CELF2: variants seen among roughly 807,000 people sequenced by gnomAD.
CELF2 encodes the protein CUG triplet repeat RNA-binding protein 2.
In CELF2, 8 loss-of-function variants were observed where a neutral mutation model predicts 62.6. That is an observed-to-expected ratio of 0.13 (90% confidence interval 0.07 to 0.23). The LOEUF (loss-of-function observed/expected upper bound fraction) is 0.23, where lower values mean the gene tolerates loss of function less well. Ranked by LOEUF, CELF2 falls within the 10% of genes least tolerant of loss-of-function variation. CELF2 has a pLI of 1.00. For missense variants in CELF2, 333 were observed against 671.0 expected (o/e 0.50, Z 5.56); for synonymous variants, 258 against 250.0 (o/e 1.03, Z -0.30).
the CELF2 span, among the ~76,000 whole-genome samples, chr10:10,604,939 G>A: frequency 9.2e-5 from 14 of 152,098 alleles, no homozygotes; most frequent in Non-Finnish European, 1.9e-4. Context: ...CCAAAGGAAC[G>A]TGAATCATTC....
chr10:10,841,446 A>C (rs1400308114), intron 1 of CELF2, among the ~76,000 whole-genome samples: 1 of 151,618 alleles, frequency 6.6e-6, no homozygotes, highest in Non-Finnish European at 1.5e-5. Flanking sequence ...TGGAAGGTGT[A>C]GGTCTGTGTC....
chr10:10,573,463 A>G, the CELF2 span, among the ~76,000 whole-genome samples: 1 of 152,088 alleles, frequency 6.6e-6, no homozygotes, highest in Admixed American at 6.6e-5. Flanking sequence ...ATGACTTTCA[A>G]TTCCGTTGTG....
Position 10,956,661 on chromosome 10 carries a change from T to C in CELF2, c.89+36662T>C, listed in dbSNP as rs1311634685. On this transcript the variant is annotated intron_variant, in intron 2 of 13. Transcript: ENST00000636488. ...GTGGGTTGCTGGCTGGGCACAGTGG[T>C]TCAAGCTTGTAATCCCAGTGCTTTA... 2.0e-5 allele frequency among the ~76,000 whole-genome samples: 3 copies of C among 152,124 alleles called. No individual in the cohort carries two copies. The East Asian group carries it at 5.8e-4, about 29-fold the overall frequency.
At chr10:10,903,284 C>A (rs2063080893) in intron 1 of CELF2, among the ~76,000 whole-genome samples, 1 of 152,178 alleles carries the variant, frequency 6.6e-6, no homozygotes. Flanking sequence ...AAAAATCTGA[C>A]CTATCTGCTC....
At chr10:11,002,731 C>A (rs573961318), upstream of CELF2, among the ~76,000 whole-genome samples, 2 of 152,144 alleles carry the variant, frequency 1.3e-5, no homozygotes, top group East Asian at 3.9e-4. This position sits in a 1 kb window ranked among gnomAD's most constrained non-coding sequence, Gnocchi z 4.4. Flanking sequence ...ATGTAAAACA[C>A]AATAGCATGA....
intron 4 of CELF2, among the ~76,000 whole-genome samples, chr10:11,251,250 C>T: frequency 6.9e-6 from 1 of 145,694 alleles, no homozygotes; most frequent in Non-Finnish European, 1.5e-5. Flanking sequence ...TGAAATATCC[C>T]AGTACTGAAA....
At chr10:10,632,268 G>T in the CELF2 span, among the ~76,000 whole-genome samples, 1 of 152,194 alleles carries the variant, frequency 6.6e-6, no homozygotes, top group African/African-American at 2.4e-5. Context: ...GAGTTGGGGA[G>T]CCAGAAGGGT....
At chr10:10,911,605 G>C (rs980934531) in intron 1 of CELF2, among the ~76,000 whole-genome samples, 2 of 152,232 alleles carry the variant, frequency 1.3e-5, no homozygotes, top group Non-Finnish European at 2.9e-5. Flanking sequence ...ATGGGAGACC[G>C]GTTTCCCCAC....
At chr10:10,585,994 T>C in the CELF2 span, among the ~76,000 whole-genome samples, 2 of 152,216 alleles carry the variant, frequency 1.3e-5, no homozygotes, top group Non-Finnish European at 2.9e-5. Context: ...ACATTTACTA[T>C]TGTATGTTCA....
the CELF2 span, among the ~76,000 whole-genome samples, chr10:10,777,833 C>A: frequency 6.6e-6 from 1 of 152,144 alleles, no homozygotes; most frequent in Non-Finnish European, 1.5e-5. Context: ...CACTTCCTGG[C>A]CCTTACCCTA....
At chr10:10,880,033 A>T (rs565097550) in intron 1 of CELF2, among the ~76,000 whole-genome samples, 1 of 152,318 alleles carries the variant, frequency 6.6e-6, no homozygotes, top group South Asian at 2.1e-4. Flanking sequence ...TTCTAAGTAG[A>T]AGAAAATGTG....
intron 1 of CELF2, among the ~76,000 whole-genome samples, chr10:11,130,912 A>G (rs2059523462): frequency 6.6e-6 from 1 of 152,238 alleles, no homozygotes; most frequent in African/African-American, 2.4e-5. Context: ...CCAAAGTTAG[A>G]GATATGAGAA....
At chr10:10,616,427 T>A in the CELF2 span, among the ~76,000 whole-genome samples, 1 of 151,710 alleles carries the variant, frequency 6.6e-6, no homozygotes, top group Admixed American at 6.6e-5. Flanking sequence ...CCCTGGGCAT[T>A]GCTTTGTATA....
chr10:11,076,142 G>T (rs574380697), intron 1 of CELF2, among the ~76,000 whole-genome samples: 2 of 152,036 alleles, frequency 1.3e-5, no homozygotes, highest in South Asian at 2.1e-4. Flanking sequence ...TAGCAGATGG[G>T]ATATTGATGG....
chr10:11,123,922 T>C (rs2058221877), intron 1 of CELF2, among the ~76,000 whole-genome samples: 1 of 152,176 alleles, frequency 6.6e-6, no homozygotes, highest in South Asian at 2.1e-4. Flanking sequence ...TACCCAAGAC[T>C]GGGTAATTTA....
the CELF2 span, among the ~76,000 whole-genome samples, chr10:10,633,988 T>C: frequency 6.6e-6 from 1 of 152,078 alleles, no homozygotes; most frequent in Non-Finnish European, 1.5e-5. Flanking sequence ...TTTAAATTGT[T>C]ATAGTTATTT....
intron 1 of CELF2, among the ~76,000 whole-genome samples, chr10:11,028,718 C>CTTTT (rs71378776): frequency 8.0e-6 from 1 of 125,182 alleles, no homozygotes; most frequent in African/African-American, 3.1e-5. Flanking sequence ...CGCACCCAGC[C>CTTTT]TTTTTTTTTT....
the CELF2 span, among the ~76,000 whole-genome samples, chr10:10,704,456 A>G: frequency 6.6e-6 from 1 of 152,338 alleles, no homozygotes; most frequent in East Asian, 1.9e-4. Flanking sequence ...GAAATTATCT[A>G]AATGATTTTC....
intron 2 of CELF2, among the ~76,000 whole-genome samples, chr10:10,978,689 G>A (rs538822730): frequency 7.2e-5 from 11 of 152,288 alleles, no homozygotes; most frequent in East Asian, 1.9e-4. Flanking sequence ...GAATGGATAC[G>A]GAGAAGAATA....
Sources: gnomAD v4.1 joint callset for allele counts (sites outside exome capture counted in the v4.1 genomes callset) on GRCh38, gnomAD v4.1.1 for gene constraint, Gnocchi (gnomAD v3.1) non-coding constraint, MANE v1.5 for transcripts, NCBI Gene and HGNC (gene_info 2026-07-23, HGNC 2026-07-21) for gene names.